Variants in TMCO5A observed in about 807,000 individuals in gnomAD.
The protein encoded by TMCO5A is transmembrane and coiled-coil domains 5A.
TMCO5A carries 34 observed loss-of-function variants against 42.3 expected under a neutral mutation model. That is an observed-to-expected ratio of 0.80 (90% CI 0.61 to 1.07). The LOEUF (loss-of-function observed/expected upper bound fraction) is 1.07. TMCO5A is among the 50% of genes least tolerant of loss of function. The pLI is 0.00. For missense variants in TMCO5A, 357 were observed against 327.9 expected (o/e 1.09, Z -0.69); for synonymous variants, 131 against 115.6 (o/e 1.13, Z -0.86).
At chr15:37,966,466 G>C (rs190191726) in intron 11 of TMCO5A, among the ~76,000 whole-genome samples, 4 of 152,110 alleles carry the variant, frequency 2.6e-5, no homozygotes, top group Non-Finnish European at 5.9e-5. Context: ...TCGCATGCCT[G>C]TTTCAAAACA....
the TMCO5A span, among the ~76,000 whole-genome samples, chr15:38,027,780 TAGTG>T: frequency 6.6e-6 from 1 of 152,134 alleles, no homozygotes; most frequent in South Asian, 2.1e-4. Flanking sequence ...ATTGGCATGA[TAGTG>T]AGTGAGTTCT....
At chr15:37,958,191 A>G (rs1192644023) in intron 11 of TMCO5A, among the ~76,000 whole-genome samples, 2 of 152,200 alleles carry the variant, frequency 1.3e-5, no homozygotes, top group Non-Finnish European at 1.5e-5. Context: ...CAAATACTTC[A>G]TGACTAAAAC....
rs555581221 is a variant in TMCO5A at position 37,945,565 on chromosome 15, A to G, written c.628-2091A>G. 2.0e-5 allele frequency among the ~76,000 whole-genome samples: 3 copies of G among 152,154 alleles called. No individual in the cohort carries two copies. The South Asian group carries it at 6.2e-4, about 32-fold the overall frequency. The stretch of plus-strand genomic sequence containing the variant: ...GTTGTTTGATTTTTTAATAATAGCA[A>G]TTCTACTGGTGTCAGATGGTTTTTC... On this transcript the variant is annotated intron_variant, in intron 10 of 11. Transcript: ENST00000319669.
At chr15:37,966,490 A>G (rs1380289149) in intron 11 of TMCO5A, 3 of 671,836 alleles carry the variant, frequency 4.5e-6, no homozygotes, top group Non-Finnish European at 8.1e-6. Flanking sequence ...CATATACCCC[A>G]TAAATATACA....
the TMCO5A span, among the ~76,000 whole-genome samples, chr15:38,007,868 C>T: frequency 1.6e-5 from 2 of 126,406 alleles, no homozygotes; most frequent in Non-Finnish European, 1.6e-5. Context: ...TAAACTCACC[C>T]ACACTTTTTT....
At chr15:38,040,190 G>GA in the TMCO5A span, 1 of 152,322 alleles carries the variant, frequency 6.6e-6, no homozygotes, top group South Asian at 2.1e-4. Context: ...CAATTGGTCA[G>GA]AAGCAAGTTA....
the TMCO5A span, among the ~76,000 whole-genome samples, chr15:38,036,483 GTCTCTCTC>G: frequency 3.5e-5 from 5 of 141,968 alleles, no homozygotes; most frequent in African/African-American, 1.4e-4. Flanking sequence ...CTCTGTTTTT[GTCTCTCTC>G]TCTCTCACAC....
chr15:37,960,448 G>T (rs1890394385), intron 11 of TMCO5A, among the ~76,000 whole-genome samples: 1 of 152,062 alleles, frequency 6.6e-6, no homozygotes, highest in Admixed American at 6.6e-5. Flanking sequence ...GGGCATTTGG[G>T]TTGGTTCCAT....
chr15:37,948,047 A>G lies in TMCO5A; in HGVS notation c.668+351A>G, dbSNP rs575798490. Reference sequence around the variant, plus strand: ...AGCTTGATGTATCTGGTTTCCTAGTACCATTGGTAGATTAGAATGAAGACT... The same window carrying G: ...AGCTTGATGTATCTGGTTTCCTAGTGCCATTGGTAGATTAGAATGAAGACT... On this transcript the variant is annotated intron_variant, in intron 11 of 11. Transcript: ENST00000319669. Among the ~76,000 whole-genome samples the G allele has an allele frequency of 1.2e-4, 18 of 152,210 alleles. No individual in the cohort carries two copies. The East Asian group carries it at 3.5e-3, about 29-fold the overall frequency.
At chr15:37,992,052 A>G in the TMCO5A span, among the ~76,000 whole-genome samples, 1 of 152,060 alleles carries the variant, frequency 6.6e-6, no homozygotes, top group African/African-American at 2.4e-5. Context: ...AAAAGTAGCT[A>G]TCAAGAAACA....
chr15:38,018,302 G>C, the TMCO5A span, among the ~76,000 whole-genome samples: 2 of 152,154 alleles, frequency 1.3e-5, no homozygotes, highest in East Asian at 1.9e-4. Flanking sequence ...TCTAAGTAAA[G>C]AGCGTTAAAG....
At chr15:37,981,253 C>T in the TMCO5A span, among the ~76,000 whole-genome samples, 1 of 145,330 alleles carries the variant, frequency 6.9e-6, no homozygotes, top group African/African-American at 2.6e-5. Context: ...AGCAAGCCAG[C>T]AGAATAGTTT....
chr15:37,993,816 C>T, the TMCO5A span, among the ~76,000 whole-genome samples: 32,851 of 152,066 alleles, frequency 0.22, 7,651 homozygotes, highest in African/African-American at 0.59. Flanking sequence ...ACAATGGGTA[C>T]GGATGTGTTG....
chr15:37,978,863 C>CA, the TMCO5A span, among the ~76,000 whole-genome samples: 1 of 152,092 alleles, frequency 6.6e-6, no homozygotes, highest in South Asian at 2.1e-4. Flanking sequence ...GGGGAGGCCT[C>CA]AGGGAGCTTT....
At position 37,941,180 on chromosome 15, in the gene TMCO5A, C is replaced by A. The variant is rs74738519; in HGVS notation, c.419C>A (p.Ala140Glu). The change falls in exon 7 of 12, where the codon GCA becomes GAA. Residue 140 changes from alanine (A) to glutamate (E), a missense_variant. Physicochemically the swap from Ala to Glu is moderately radical, Grantham distance 107. Coordinates refer to ENST00000319669, the MANE Select transcript of TMCO5A (RefSeq NM_152453.4). ...TTACAACAGCTGGAAGCTTCCTATGCATGCCAAGAGAAGGAGCTGCTCAAG... is the reference window on the plus strand; with the variant it reads ...TTACAACAGCTGGAAGCTTCCTATGAATGCCAAGAGAAGGAGCTGCTCAAG... ...VKLQQLEASY[A>E]CQEKELLKVM... 3.3e-3 allele frequency: 5,243 copies of A among 1,613,134 alleles called. 156 individuals are homozygous for A. In the African/African-American group the frequency reaches 0.059, roughly 18 times the overall value.
At chr15:37,972,535 G>C (rs1479799954), downstream of TMCO5A, among the ~76,000 whole-genome samples, 1 of 152,196 alleles carries the variant, frequency 6.6e-6, no homozygotes, top group Non-Finnish European at 1.5e-5. Flanking sequence ...CTGATGATTA[G>C]TGATGTTGAG....
At chr15:37,985,299 G>A in the TMCO5A span, among the ~76,000 whole-genome samples, 6 of 152,166 alleles carry the variant, frequency 3.9e-5, no homozygotes, top group African/African-American at 1.4e-4. Context: ...AGGTTGTAGG[G>A]TAGGTAGGTG....
intron 10 of TMCO5A, 22 bp downstream of exon 10, chr15:37,943,420 C>A: frequency 6.2e-7 from 1 of 1,609,710 alleles, no homozygotes; most frequent in East Asian, 2.2e-5. Context: ...ATTCTCTCTT[C>A]AGCTCCTCAC....
At chr15:38,014,812 G>C in the TMCO5A span, among the ~76,000 whole-genome samples, 1 of 137,028 alleles carries the variant, frequency 7.3e-6, no homozygotes, top group Non-Finnish European at 1.5e-5. Context: ...CACTGTATTA[G>C]TCAAGGTTCT....
Sources: gnomAD v4.1 joint callset for allele counts (sites outside exome capture counted in the v4.1 genomes callset) on GRCh38, gnomAD v4.1.1 for gene constraint, MANE v1.5 for transcripts, NCBI Gene and HGNC (gene_info 2026-07-23, HGNC 2026-07-21) for gene names.